Variants in PCDH15 observed in about 807,000 individuals in gnomAD.
PCDH15 encodes the protein protocadherin related 15, also known as protocadherin-15.
A neutral mutation model predicts 178.5 loss-of-function variants in PCDH15; 129 were observed. That is an observed-to-expected ratio of 0.72 (90% CI 0.63 to 0.84). PCDH15 has a LOEUF of 0.84. Ranked by LOEUF, PCDH15 falls within the 40% of genes least tolerant of loss-of-function variation. The probability of loss-of-function intolerance (pLI) is 0.00; values close to 1 mark genes in which losing one functional copy is unlikely to be tolerated. For synonymous variants in PCDH15, 800 were observed against 732.0 expected (o/e 1.09, Z -1.50); for missense variants, 2,230 against 2,099.9 (o/e 1.06, Z -1.21).
intron 2 of PCDH15, among the ~76,000 whole-genome samples, chr10:55,489,741 G>T (rs1840372438): frequency 6.6e-6 from 1 of 151,512 alleles, no homozygotes; most frequent in Non-Finnish European, 1.5e-5. Context: ...TATTATACTG[G>T]CTTGGGTAGT....
At chr10:53,951,358 T>G in intron 23 of PCDH15, among the ~76,000 whole-genome samples, 1 of 150,922 alleles carries the variant, frequency 6.6e-6, no homozygotes, top group Non-Finnish European at 1.5e-5. Flanking sequence ...GAGATAATTT[T>G]GAGAAAGAGA....
rs528978365 is a variant in PCDH15 at position 53,984,033 on chromosome 10, C to G, written c.2868+11616G>C. 5.3e-5 allele frequency among the ~76,000 whole-genome samples: 8 copies of G among 151,902 alleles called. No homozygotes were observed. The East Asian group carries it at 1.6e-3, about 30-fold the overall frequency. On this transcript the variant is annotated intron_variant, in intron 21 of 37. Transcript: ENST00000644397. ...TAACCTTCAGACCTCCGCTCAGAAT[C>G]ACTTCTAGAACCTTCCTTGACTCTC...
intron 2 of PCDH15, among the ~76,000 whole-genome samples, chr10:55,138,048 C>G (rs187820089): frequency 1.2e-4 from 18 of 152,122 alleles, no homozygotes; most frequent in African/African-American, 4.3e-4. Context: ...GTAAGTTTTG[C>G]TAGTTAGATG....
intron 3 of PCDH15, among the ~76,000 whole-genome samples, chr10:54,442,342 C>T (rs1211040903): frequency 1.5e-5 from 2 of 129,336 alleles, no homozygotes; most frequent in South Asian, 2.4e-4. Context: ...GGTTATACAA[C>T]GGGTAGAAAC....
At chr10:55,175,440 G>T (rs1413445974) in intron 1 of PCDH15, among the ~76,000 whole-genome samples, 3 of 151,884 alleles carry the variant, frequency 2.0e-5, no homozygotes, top group Non-Finnish European at 2.9e-5. Flanking sequence ...AGAGGTGGGT[G>T]AATCACAAGG....
At chr10:54,014,882 C>T (rs557582783) in intron 20 of PCDH15, among the ~76,000 whole-genome samples, 1 of 152,086 alleles carries the variant, frequency 6.6e-6, no homozygotes, top group East Asian at 1.9e-4. Flanking sequence ...TATTGCCACT[C>T]ATCATAGTAA....
At chr10:55,017,780 G>A (rs1365891561) in intron 2 of PCDH15, among the ~76,000 whole-genome samples, 2 of 151,966 alleles carry the variant, frequency 1.3e-5, no homozygotes, top group African/African-American at 2.4e-5. Context: ...CAATTATAAT[G>A]GGATAGTATA....
At chr10:53,825,134 A>C in intron 32 of PCDH15, 2 of 1,541,592 alleles carry the variant, frequency 1.3e-6, no homozygotes, top group South Asian at 2.4e-5. Flanking sequence ...TTATTTACTT[A>C]CTTATGCCTA....
chr10:54,761,581 G>A (rs1331228875), intron 1 of PCDH15, among the ~76,000 whole-genome samples: 3 of 152,072 alleles, frequency 2.0e-5, no homozygotes, highest in Admixed American at 1.3e-4. Flanking sequence ...TACTCGGGAG[G>A]CTGAGACAGG....
intron 2 of PCDH15, among the ~76,000 whole-genome samples, chr10:55,038,103 C>A (rs1226256659): frequency 6.6e-6 from 1 of 152,116 alleles, no homozygotes; most frequent in Non-Finnish European, 1.5e-5. Context: ...TATTATATGG[C>A]TGTCAATGGC....
intron 1 of PCDH15, among the ~76,000 whole-genome samples, chr10:55,186,240 C>T (rs945498845): frequency 2.6e-5 from 4 of 151,212 alleles, no homozygotes; most frequent in African/African-American, 9.7e-5. Flanking sequence ...TAAAAATGTA[C>T]TGGCTAATTA....
intron 25 of PCDH15, among the ~76,000 whole-genome samples, chr10:53,929,620 AT>A (rs1372457089): frequency 2.0e-5 from 3 of 152,172 alleles, no homozygotes; most frequent in Non-Finnish European, 4.4e-5. Context: ...AGTCATTAGC[AT>A]TATTTGTCAC....
chr10:55,096,637 AT>A lies in PCDH15; in HGVS notation c.-80+69938del, dbSNP rs576828278. 3.1e-3 allele frequency among the ~76,000 whole-genome samples: 471 copies of A among 152,028 alleles called. 5 individuals carry two copies. The highest frequency in any genetic ancestry group is 0.011 in the African/African-American group (442 of 41,454). On this transcript the variant is annotated intron_variant, in intron 2 of 5. Coordinates refer to the PCDH15 transcript ENST00000458638. ...TATGTCCTTTGATCAACATCTCCCG[AT>A]TTCCCCTACCACCCTTCCCTGGTAA... is the stretch of plus-strand genomic sequence containing the variant.
At chr10:54,099,904 C>G (rs1050815861) in intron 15 of PCDH15, among the ~76,000 whole-genome samples, 2 of 152,088 alleles carry the variant, frequency 1.3e-5, no homozygotes, top group Non-Finnish European at 2.9e-5. Context: ...TCTTAATTCT[C>G]TCACTTTTAG....
At chr10:54,774,003 T>G (rs571126428) in intron 1 of PCDH15, among the ~76,000 whole-genome samples, 2 of 136,858 alleles carry the variant, frequency 1.5e-5, no homozygotes, top group Non-Finnish European at 3.1e-5. Context: ...GCATACTTCA[T>G]AGGCTTTTTT....
chr10:54,114,692 C>A lies in PCDH15; in HGVS notation c.1917+18183G>T, dbSNP rs147551460. On this transcript the variant is annotated intron_variant, in intron 15 of 37. Coordinates refer to ENST00000644397, the MANE Select transcript of PCDH15 (RefSeq NM_001384140.1). ...TTTTTATAAGGTGGGTAGGTAAGAC[C>A]ACTTCACTCCAAGGAAATGTAAGCA... Among the ~76,000 whole-genome samples the A allele has an allele frequency of 5.3e-5, 8 of 152,138 alleles. No homozygotes were observed. In the East Asian group the frequency reaches 1.5e-3, roughly 29 times the overall value.
intron 2 of PCDH15, among the ~76,000 whole-genome samples, chr10:55,626,810 A>T (rs1247198493): frequency 6.6e-6 from 1 of 152,142 alleles, no homozygotes; most frequent in Non-Finnish European, 1.5e-5. Flanking sequence ...TTACCTCACA[A>T]CTAAAAAGGA....
intron 2 of PCDH15, among the ~76,000 whole-genome samples, chr10:54,635,312 C>T (rs1157352192): frequency 2.6e-5 from 4 of 151,500 alleles, no homozygotes; most frequent in Non-Finnish European, 4.4e-5. Context: ...GCTTCAAAAA[C>T]TCGAGTAAAA....
chr10:53,814,836 C>A (rs1032642304), intron 35 of PCDH15, among the ~76,000 whole-genome samples: 3 of 151,886 alleles, frequency 2.0e-5, no homozygotes, highest in Admixed American at 6.6e-5. Flanking sequence ...TGGTGGCACA[C>A]GCCTGTAATC....
Sources: allele counts gnomAD v4.1 joint callset (sites outside exome capture counted in the v4.1 genomes callset), GRCh38; gene constraint gnomAD v4.1.1; transcripts MANE v1.5; gene names NCBI Gene and HGNC (gene_info 2026-07-23, HGNC 2026-07-21).